Variants in GPBP1L1 observed in about 807,000 individuals in gnomAD.
GPBP1L1 encodes vasculin-like protein 1.
A neutral mutation model predicts 52.5 loss-of-function variants in GPBP1L1; 23 were observed. The observed-to-expected ratio is 0.44, with a 90% CI of 0.32 to 0.62. The LOEUF (loss-of-function observed/expected upper bound fraction) is 0.62, where lower values mean the gene tolerates loss of function less well. GPBP1L1 is among the 20% of genes least tolerant of loss of function. The pLI is 0.06. For synonymous variants in GPBP1L1, 243 were observed against 203.1 expected, an observed-to-expected ratio of 1.20 and a Z score of -1.67; for missense variants, 596 against 579.3, an observed-to-expected ratio of 1.03 and a Z score of -0.30.
At chr1:45,682,739 G>T (rs1645226102) in intron 2 of GPBP1L1, among the ~76,000 whole-genome samples, 1 of 152,148 alleles carries the variant, frequency 6.6e-6, no homozygotes, top group East Asian at 1.9e-4. Context: ...TAGCACGTTT[G>T]AAATCACCTA....
At chr1:45,663,679 A>G (rs959920232) in intron 2 of GPBP1L1, among the ~76,000 whole-genome samples, 7 of 152,206 alleles carry the variant, frequency 4.6e-5, no homozygotes, top group Non-Finnish European at 7.3e-5. Flanking sequence ...GATAAAAGAG[A>G]TTTCTGTTCT....
Position 45,629,617 on chromosome 1 carries a change from T to C in GPBP1L1, c.1231A>G (p.Thr411Ala). The change falls in exon 12 of 13, where the codon ACA becomes GCA. Residue 411 changes from threonine to alanine, a missense_variant. Transcript: ENST00000355105. ...PENDENCLPLTEDELKEFHMK... is the reference protein window; with the variant it reads ...PENDENCLPLAEDELKEFHMK... ...TGGAACTCTTTGAGCTCATCCTCTG[T>C]GAGGGGAAGGCAATTCTCATCATTT... 1 of 1,613,530 alleles carries C rather than the reference T, an allele frequency of 6.2e-7. No homozygotes were observed. Among genetic ancestry groups the C allele is most frequent in the Non-Finnish European group, 8.5e-7 (1 of 1,179,438 alleles).
rs1408220749 is a variant in GPBP1L1, at chr1:45,627,377, A to G, written c.*879T>C. On this transcript the variant is annotated 3_prime_UTR_variant, in exon 13 of 13. Coordinates refer to ENST00000355105, the MANE Select transcript of GPBP1L1 (RefSeq NM_021639.5). ...ATCAAAAAAGTATCTGCTAAAATAG[A>G]GAAACAGTTGTGTCTGAATTCACAT... The G allele has an allele frequency of 2.9e-5, 4 of 139,584 alleles. No individual in the cohort carries two copies. The highest frequency in any genetic ancestry group is 1.0e-4 in the African/African-American group (4 of 38,684). 8.6% of individuals were successfully genotyped at this position (139,584 alleles called of 1,614,324 possible).
rs1258562217 is a variant in GPBP1L1, at chr1:45,627,892, C to T, written c.*364G>A. 5.8e-6 allele frequency: 1 copy of T among 171,734 alleles called. No individual in the cohort carries two copies. Among genetic ancestry groups the T allele is most frequent in the African/African-American group, 2.4e-5 (1 of 42,296 alleles). The allele number at this position is 171,734 out of a possible 1,614,324, so 10.6% of individuals were successfully genotyped here. On this transcript the variant is annotated 3_prime_UTR_variant, in exon 13 of 13. Coordinates refer to ENST00000355105, the MANE Select transcript of GPBP1L1 (RefSeq NM_021639.5). ...GTCATTGACAATGATTGCTTGATCA[C>T]AGGGGTGAGTGCCCCAAGGGCTGGT...
At chr1:45,636,767 C>T (rs948229283) in intron 8 of GPBP1L1, among the ~76,000 whole-genome samples, 1 of 152,182 alleles carries the variant, frequency 6.6e-6, no homozygotes, top group Non-Finnish European at 1.5e-5. Flanking sequence ...GATCACAACC[C>T]TAGAAAGTGT....
At chr1:45,647,330 T>A (rs1557703344) in intron 6 of GPBP1L1, among the ~76,000 whole-genome samples, 1 of 152,156 alleles carries the variant, frequency 6.6e-6, no homozygotes, top group Non-Finnish European at 1.5e-5. Flanking sequence ...TTTCCTTTCG[T>A]CTCTACTAAC....
chr1:45,647,846 T>C (rs954775693), intron 6 of GPBP1L1, among the ~76,000 whole-genome samples: 1 of 152,022 alleles, frequency 6.6e-6, no homozygotes, highest in Non-Finnish European at 1.5e-5. Context: ...CCTGGGGTGG[T>C]GGTAGGGAAA....
At chr1:45,631,960 C>T (rs1644536535) in intron 10 of GPBP1L1, among the ~76,000 whole-genome samples, 1 of 152,046 alleles carries the variant, frequency 6.6e-6, no homozygotes. Context: ...GCAGCTCATG[C>T]CTGTAATCCC....
intron 8 of GPBP1L1, among the ~76,000 whole-genome samples, chr1:45,637,109 T>C (rs1644602984): frequency 6.6e-6 from 1 of 152,150 alleles, no homozygotes; most frequent in South Asian, 2.1e-4. Context: ...TTGATGACCC[T>C]CCCCAGGCAG....
At chr1:45,673,427 T>C (rs1160553493) in intron 2 of GPBP1L1, among the ~76,000 whole-genome samples, 1 of 152,174 alleles carries the variant, frequency 6.6e-6, no homozygotes, top group Non-Finnish European at 1.5e-5. Context: ...GACTTTTGAC[T>C]CCCTGAAGTC....
chr1:45,633,781 T>A (rs759099831), intron 9 of GPBP1L1, 134 bp from the exon 10 acceptor site: 11 of 993,274 alleles, frequency 1.1e-5, no homozygotes, highest in Non-Finnish European at 1.4e-5. Context: ...TCCTTTTATT[T>A]AAGCAGTTCA....
At chr1:45,676,370 G>A (rs1210929030) in intron 2 of GPBP1L1, among the ~76,000 whole-genome samples, 6 of 152,022 alleles carry the variant, frequency 3.9e-5, no homozygotes, top group African/African-American at 1.4e-4. Context: ...GGAGGCCAGG[G>A]TGAGCAGACT....
chr1:45,652,507 T>C (rs1242192495), intron 6 of GPBP1L1, among the ~76,000 whole-genome samples: 1 of 152,242 alleles, frequency 6.6e-6, no homozygotes, highest in Non-Finnish European at 1.5e-5. Context: ...CTTCTCTTTT[T>C]CTTAATGAAG....
chr1:45,668,241 T>A (rs1395852099), intron 2 of GPBP1L1, among the ~76,000 whole-genome samples: 10 of 152,204 alleles, frequency 6.6e-5, no homozygotes, highest in Admixed American at 6.5e-4. Flanking sequence ...GGTTGATGAA[T>A]GACAGTTTAG....
At position 45,667,417 on chromosome 1, in the gene GPBP1L1, T is replaced by G. The variant is rs537340646; in HGVS notation, c.-1097-6192A>C. ...TCCAACTTATCGGGCACCTCATATGTCAGGCGCACTATTCGGTACTTCACA... is the reference window on the plus strand; with the variant it reads ...TCCAACTTATCGGGCACCTCATATGGCAGGCGCACTATTCGGTACTTCACA... On this transcript the variant is annotated intron_variant, in intron 2 of 12. Coordinates refer to ENST00000355105, the MANE Select transcript of GPBP1L1 (RefSeq NM_021639.5). Among the ~76,000 whole-genome samples, 5 of 152,310 alleles carry G rather than the reference T, an allele frequency of 3.3e-5. No individual in the cohort carries two copies. In the South Asian group the frequency reaches 1.0e-3, roughly 32 times the overall value.
chr1:45,628,744 T>G (rs1422175098), intron 12 of GPBP1L1, among the ~76,000 whole-genome samples: 1 of 152,136 alleles, frequency 6.6e-6, no homozygotes, highest in Non-Finnish European at 1.5e-5. Flanking sequence ...GCTCACTGCA[T>G]CCTCCGCCTC....
intron 4 of GPBP1L1, 184 bp from the exon 5 acceptor site, chr1:45,655,503 A>G (rs1644875118): frequency 5.8e-6 from 3 of 520,742 alleles, no homozygotes; most frequent in Non-Finnish European, 1.0e-5. Flanking sequence ...TAGGTTATAT[A>G]TTCAATTGCT....
intron 2 of GPBP1L1, among the ~76,000 whole-genome samples, chr1:45,677,658 G>A (rs1408135599): frequency 1.3e-5 from 2 of 152,118 alleles, no homozygotes; most frequent in Admixed American, 6.5e-5. Flanking sequence ...CAAATTCAAC[G>A]ACAACAATGG....
chr1:45,674,836 C>T (rs965104690), intron 2 of GPBP1L1, among the ~76,000 whole-genome samples: 1 of 152,212 alleles, frequency 6.6e-6, no homozygotes, highest in African/African-American at 2.4e-5. Flanking sequence ...ATATTAAGTG[C>T]ATTTTCAACT....
Sources: gnomAD v4.1 joint callset for allele counts (sites outside exome capture counted in the v4.1 genomes callset) on GRCh38, gnomAD v4.1.1 for gene constraint, MANE v1.5 for transcripts, NCBI Gene and HGNC (gene_info 2026-07-23, HGNC 2026-07-21) for gene names.